Variants in PGM1 observed in about 807,000 individuals in gnomAD.
PGM1 encodes phosphoglucomutase-1.
Under a neutral mutation model 55.6 loss-of-function variants are expected in PGM1, and 52 were observed. The observed-to-expected ratio is 0.94, with a 90% confidence interval of 0.75 to 1.18. PGM1 has a LOEUF of 1.18. Among genes scored for constraint, PGM1 ranks in the 50% most tolerant of loss-of-function variants. PGM1 has a pLI of 0.00. For synonymous variants in PGM1, 287 were observed against 271.7 expected (o/e 1.06, Z -0.55); for missense variants, 724 against 729.3 (o/e 0.99, Z 0.08).
intron 7 of PGM1, among the ~76,000 whole-genome samples, chr1:63,641,147 T>G (rs112938825): frequency 1.3e-5 from 2 of 152,246 alleles, no homozygotes; most frequent in African/African-American, 4.8e-5. Flanking sequence ...TTTAGACTAT[T>G]GTTAAAGTTT....
chr1:63,640,689 G>C (rs1034544966), intron 7 of PGM1, among the ~76,000 whole-genome samples: 1 of 152,182 alleles, frequency 6.6e-6, no homozygotes, highest in African/African-American at 2.4e-5. Context: ...CTGAAGACAG[G>C]ATAGCACAAG....
At chr1:63,594,782 A>G (rs1335130254) in intron 1 of PGM1, among the ~76,000 whole-genome samples, 1 of 98,978 alleles carries the variant, frequency 1.0e-5, no homozygotes, top group Non-Finnish European at 1.9e-5. Context: ...TCTCTACTAA[A>G]AAATACAAAA....
rs1173280674 is a variant in PGM1 at position 63,593,536 on chromosome 1, G to A, written c.48G>A (p.Lys16=). ...AGACCCAGGCGTACCAGGACCAGAA[G>A]CCGGGCACGAGCGGGCTGCGGAAGC... is the stretch of plus-strand genomic sequence containing the variant. ...TVKTQAYQDQ[K]PGTSGLRKRV... The change falls in exon 1 of 11, where the codon AAG becomes AAA. Residue 16 remains lysine, a synonymous_variant. Transcript: ENST00000371084. The A allele has an allele frequency of 1.9e-6, 3 of 1,613,916 alleles. No individual in the cohort carries two copies. The highest frequency in any genetic ancestry group is 1.7e-6 in the Non-Finnish European group (2 of 1,179,940).
chr1:63,648,628 A>C lies in PGM1; in HGVS notation c.1256A>C (p.Lys419Thr). The change falls in exon 8 of 11, where the codon AAG becomes ACG. Residue 419 changes from lysine (K) to threonine (T), a missense_variant. Physicochemically the swap from Lys to Thr is moderately conservative, Grantham distance 78. This residue lies in a region of PGM1 where 316 missense variants were observed against 313.1 expected (regional missense o/e 1.01). Transcript: ENST00000371084. The part of the protein sequence containing the change: ...VEDILKDHWQ[K>T]YGRNFFTRYD... Reference sequence around the variant, plus strand: ...GACATTCTCAAAGATCATTGGCAAAAGTATGGCCGGAATTTCTTCACCAGG... The same window carrying C: ...GACATTCTCAAAGATCATTGGCAAACGTATGGCCGGAATTTCTTCACCAGG... 3.1e-6 allele frequency: 5 copies of C among 1,614,136 alleles called. No individual in the cohort carries two copies. Among genetic ancestry groups the C allele is most frequent in the Non-Finnish European group, 4.2e-6 (5 of 1,180,002 alleles).
intron 1 of PGM1, among the ~76,000 whole-genome samples, chr1:63,606,944 T>C (rs1180795885): frequency 6.6e-6 from 1 of 152,228 alleles, no homozygotes; most frequent in Non-Finnish European, 1.5e-5. Flanking sequence ...ATTGCCATTG[T>C]ACGAGTCTTA....
chr1:63,638,259 G>A (rs1428731368), intron 6 of PGM1, among the ~76,000 whole-genome samples: 1 of 152,140 alleles, frequency 6.6e-6, no homozygotes, highest in African/African-American at 2.4e-5. Flanking sequence ...TCTGGGCCCT[G>A]TTTCCTTCTC....
intron 1 of PGM1, among the ~76,000 whole-genome samples, chr1:63,614,416 G>A (rs781216351): frequency 3.3e-5 from 5 of 152,146 alleles, no homozygotes; most frequent in Non-Finnish European, 5.9e-5. Flanking sequence ...CTTGATTGAG[G>A]CCAAGAGAGA....
intron 4 of PGM1, among the ~76,000 whole-genome samples, chr1:63,634,279 T>G (rs1392585087): frequency 2.6e-5 from 4 of 152,192 alleles, no homozygotes; most frequent in Non-Finnish European, 4.4e-5. Flanking sequence ...TGCCAGGTAC[T>G]ATTCTCAGTA....
At position 63,630,061 on chromosome 1, in the gene PGM1, T is replaced by G. The variant is rs112293909; in HGVS notation, c.529T>G (p.Leu177Val). Reference sequence around the variant, plus strand: ...TGTTCTGGGAAAGCAGCAGTTTGACTTGGAAAATAAGTTCAAACCCTTCAC... The same window carrying G: ...TGTTCTGGGAAAGCAGCAGTTTGACGTGGAAAATAAGTTCAAACCCTTCAC... Reference protein sequence around the residue: ...LGVLGKQQFDLENKFKPFTVE... With the variant: ...LGVLGKQQFDVENKFKPFTVE... Residue 177 changes from leucine to valine, a missense_variant, in exon 3 of 11, where the codon TTG becomes GTG. Leu to Val is a conservative substitution (Grantham distance 32). Around this residue, in one of 3 missense-constraint regions of PGM1, gnomAD observed 379 missense variants for 357.5 expected, o/e 1.06. Transcript: ENST00000371084. 48 of 1,613,940 alleles carry G rather than the reference T, an allele frequency of 3.0e-5. No homozygotes were observed. The African/African-American group carries it at 4.1e-4, about 14-fold the overall frequency.
chr1:63,599,525 T>G (rs997290586), intron 1 of PGM1, among the ~76,000 whole-genome samples: 6 of 151,758 alleles, frequency 4.0e-5, no homozygotes, highest in Admixed American at 1.3e-4. Flanking sequence ...ACTTTTTAAT[T>G]ATGGTGGGGC....
intron 1 of PGM1, among the ~76,000 whole-genome samples, chr1:63,618,514 A>AAT (rs1009035653): frequency 3.9e-5 from 6 of 152,196 alleles, no homozygotes; most frequent in African/African-American, 1.4e-4. Context: ...TCAAATGCCA[A>AAT]ATATACCTAG....
intron 1 of PGM1, among the ~76,000 whole-genome samples, chr1:63,597,375 G>A (rs1239743712): frequency 6.6e-6 from 1 of 152,186 alleles, no homozygotes; most frequent in African/African-American, 2.4e-5. Flanking sequence ...CATACCTGAA[G>A]AGCCTGTTGT....
rs983809871 is a variant in PGM1, at chr1:63,659,470, G to T, written c.1600-116G>T. On this transcript the variant is annotated intron_variant, in intron 10 of 10. Transcript: ENST00000371084. ...ATAACATGTGTTTGTTTTTGGATTT[G>T]TGGAGTTTGAGGAGCCTTGGAGACC... is the stretch of plus-strand genomic sequence containing the variant. 6.2e-6 allele frequency: 5 copies of T among 805,256 alleles called. No homozygotes were observed. In the Admixed American group the frequency reaches 9.3e-5, roughly 15 times the overall value. The allele number at this position is 805,256 out of a possible 1,614,324, so 49.9% of individuals were successfully genotyped here.
chr1:63,623,158 G>C, intron 1 of PGM1: 1 of 1,113,470 alleles, frequency 9.0e-7, no homozygotes. Context: ...ACGGGGAAAT[G>C]AGACAAAAAT....
At chr1:63,614,006 G>A (rs2269266) in intron 1 of PGM1, among the ~76,000 whole-genome samples, 55,248 of 152,028 alleles carry the variant, frequency 0.36, 11,594 homozygotes, top group African/African-American at 0.58. Flanking sequence ...GGAGCAACTC[G>A]TGTAACTTCT....
At chr1:63,638,303 A>G (rs1414538744) in intron 6 of PGM1, among the ~76,000 whole-genome samples, 2 of 152,190 alleles carry the variant, frequency 1.3e-5, no homozygotes, top group Non-Finnish European at 2.9e-5. Flanking sequence ...CCAGTATGTC[A>G]TGATTCTGTG....
At chr1:63,630,232 A>C in intron 3 of PGM1, 144 bp downstream of exon 3, 2 of 897,748 alleles carry the variant, frequency 2.2e-6, no homozygotes, top group Non-Finnish European at 1.8e-6. Context: ...TTAATTAACA[A>C]GTCTGGAATT....
chr1:63,634,842 T>G lies in PGM1; in HGVS notation c.696T>G (p.Tyr232Ter). The change falls in exon 5 of 11, where the codon TAT (tyrosine) becomes TAG (stop). Residue 232 changes from tyrosine to a stop codon, truncating the protein, a stop_gained. Transcript: ENST00000371084. LOFTEE classifies it high-confidence loss of function. Reference protein sequence around the residue: ...IDAMHGVVGPYVKKILCEELG... With the variant: ...IDAMHGVVGP ...TGCTGTATATAGTTGTGGGACCGTA[T>G]GTAAAGAAGATCCTCTGTGAAGAAC... is the stretch of plus-strand genomic sequence containing the variant. The G allele has an allele frequency of 1.2e-6, 2 of 1,612,994 alleles. No individual in the cohort carries two copies. The highest frequency in any genetic ancestry group is 1.7e-6 in the Non-Finnish European group (2 of 1,179,664).
intron 7 of PGM1, among the ~76,000 whole-genome samples, chr1:63,644,266 C>T (rs1375302665): frequency 6.6e-6 from 1 of 152,178 alleles, no homozygotes; most frequent in Admixed American, 6.5e-5. Context: ...TGTCCCTGAG[C>T]GGAGCAAGGG....
Sources: gnomAD v4.1 joint callset for allele counts (sites outside exome capture counted in the v4.1 genomes callset) on GRCh38, gnomAD v4.1.1 for gene constraint, gnomAD v4.1.1 regional missense constraint, MANE v1.5 for transcripts, NCBI Gene and HGNC (gene_info 2026-07-23, HGNC 2026-07-21) for gene names.